IRAK3: variants seen among roughly 807,000 people sequenced by gnomAD.
The protein encoded by IRAK3 is interleukin 1 receptor associated kinase 3.
A neutral mutation model predicts 56.6 loss-of-function variants in IRAK3; 57 were observed. The observed-to-expected ratio is 1.01, with a 90% confidence interval of 0.81 to 1.26. The LOEUF (loss-of-function observed/expected upper bound fraction) is 1.26, where lower values mean the gene tolerates loss of function less well. Ranked by LOEUF, IRAK3 falls within the 50% of genes most tolerant of loss-of-function variation. IRAK3 has a pLI of 0.00. For synonymous variants in IRAK3, 258 were observed against 255.7 expected, an observed-to-expected ratio of 1.01 and a Z score of -0.09; for missense variants, 703 against 719.0, an observed-to-expected ratio of 0.98 and a Z score of 0.25.
intron 1 of IRAK3, chr12:66,197,304 C>T (rs1592574901): frequency 1.0e-5 from 11 of 1,065,270 alleles, no homozygotes; most frequent in East Asian, 6.5e-5. Flanking sequence ...ATATGTACTG[C>T]GAGTAAACAA....
chr12:66,199,242 C>T (rs2052484690), intron 1 of IRAK3, among the ~76,000 whole-genome samples: 1 of 152,136 alleles, frequency 6.6e-6, no homozygotes, highest in Non-Finnish European at 1.5e-5. Flanking sequence ...TTAGGTGGGA[C>T]TACAAGAACA....
rs1055750061 is a variant in IRAK3 at position 66,247,949 on chromosome 12, A to G, written c.1569A>G (p.Pro523=). The change falls in exon 12 of 12, where the codon CCA becomes CCG. Residue 523 remains proline, a synonymous_variant. Transcript: ENST00000261233. ...EVMFLSLDKK[P]ESKRNEEACN... The stretch of plus-strand genomic sequence containing the variant: ...TGTTTCTGAGCTTGGACAAAAAGCC[A>G]GAGAGCAAGAGAAATGAGGAAGCTT... 1.2e-6 allele frequency: 2 copies of G among 1,612,652 alleles called. No homozygotes were observed. The highest frequency in any genetic ancestry group is 1.3e-5 in the African/African-American group (1 of 74,752).
chr12:66,189,310 A>G lies in IRAK3; in HGVS notation c.11A>G (p.Asn4Ser). The change falls in exon 1 of 12, where the codon AAC becomes AGC. Residue 4 changes from asparagine to serine, a missense_variant. Physicochemically the swap from Asn to Ser is conservative, Grantham distance 46. Coordinates refer to ENST00000261233, the MANE Select transcript of IRAK3 (RefSeq NM_007199.3). MAG[N>S]CGARGALSAH... The stretch of plus-strand genomic sequence containing the variant: ...TCGGGCAGCCGAGCCATGGCGGGGA[A>G]CTGTGGGGCCCGCGGCGCGCTGTCG... 1 of 1,535,264 alleles carries G rather than the reference A, an allele frequency of 6.5e-7. No individual in the cohort carries two copies. The highest frequency in any genetic ancestry group is 8.7e-7 in the Non-Finnish European group (1 of 1,147,144).
At chr12:66,222,630 AT>A (rs2052745782) in intron 6 of IRAK3, among the ~76,000 whole-genome samples, 1 of 152,034 alleles carries the variant, frequency 6.6e-6, no homozygotes, top group Admixed American at 6.6e-5. Flanking sequence ...TAAGAGATAT[AT>A]TTTATTTTCT....
chr12:66,208,399 A>T (rs573414542), intron 2 of IRAK3, among the ~76,000 whole-genome samples: 21 of 152,256 alleles, frequency 1.4e-4, no homozygotes, highest in African/African-American at 4.8e-4. Context: ...AAGATGATAT[A>T]AAAAAATAAA....
Position 66,190,330 on chromosome 12 carries a change from T to C in IRAK3, c.133+898T>C, listed in dbSNP as rs147464349. ...TTGAATTGTAGCAATGGGCTTCTGG[T>C]TATACAAAAAATGTTTATATATTTT... On this transcript the variant is annotated intron_variant, in intron 1 of 11. Transcript: ENST00000261233. Among the ~76,000 whole-genome samples, 26 of 152,254 alleles carry C rather than the reference T, an allele frequency of 1.7e-4. No individual in the cohort carries two copies. The East Asian group carries it at 4.6e-3, about 27-fold the overall frequency.
At chr12:66,212,041 G>A (rs1014841605) in intron 5 of IRAK3, among the ~76,000 whole-genome samples, 1 of 149,272 alleles carries the variant, frequency 6.7e-6, no homozygotes, top group Non-Finnish European at 1.5e-5. Context: ...AGCACAGGAA[G>A]AAGAGGCTGC....
chr12:66,193,594 T>C (rs1051058947), intron 1 of IRAK3, among the ~76,000 whole-genome samples: 1 of 141,954 alleles, frequency 7.0e-6, no homozygotes, highest in Non-Finnish European at 1.5e-5. Flanking sequence ...CCTCTGGCTC[T>C]TCTTGGCTGT....
chr12:66,226,873 C>A, intron 7 of IRAK3, 36 bp downstream of exon 7: 1 of 1,220,266 alleles, frequency 8.2e-7, no homozygotes, highest in Non-Finnish European at 1.2e-6. Flanking sequence ...GATCCTCTGA[C>A]CCCTTGAATC....
At chr12:66,205,088 C>G (rs961712679) in intron 2 of IRAK3, among the ~76,000 whole-genome samples, 1 of 152,314 alleles carries the variant, frequency 6.6e-6, no homozygotes, top group South Asian at 2.1e-4. Flanking sequence ...CTGAGCCTTT[C>G]CCAGCCACTG....
intron 1 of IRAK3, chr12:66,197,483 CTT>C (rs2052466102): frequency 1.0e-6 from 1 of 983,278 alleles, no homozygotes; most frequent in Non-Finnish European, 1.2e-6. Context: ...TAAAAATACT[CTT>C]TAGCAATGTT....
intron 4 of IRAK3, 82 bp from the exon 5 acceptor site, chr12:66,211,364 T>C: frequency 9.4e-7 from 1 of 1,066,240 alleles, no homozygotes; most frequent in South Asian, 1.3e-5. Context: ...GGACTCTGAT[T>C]TGTTTCTAAT....
chr12:66,233,519 GA>G (rs71096082), intron 8 of IRAK3, among the ~76,000 whole-genome samples: 10 of 145,478 alleles, frequency 6.9e-5, no homozygotes, highest in South Asian at 4.4e-4. Context: ...CTCCGTCTCG[GA>G]AAAAAAAAAA....
At position 66,189,243 on chromosome 12, in the gene IRAK3, C is replaced by A; in HGVS notation, c.-57C>A. The stretch of plus-strand genomic sequence containing the variant: ...TTTCCGCGGTTGTGTAACGGCCTGT[C>A]GCAGGCGTGCAGGGACCTGGACTCC... On this transcript the variant is annotated 5_prime_UTR_variant, in exon 1 of 12. Coordinates refer to ENST00000261233, the MANE Select transcript of IRAK3 (RefSeq NM_007199.3). 2 of 1,528,402 alleles carry A rather than the reference C, an allele frequency of 1.3e-6. No homozygotes were observed. The highest frequency in any genetic ancestry group is 1.2e-5 in the South Asian group (1 of 83,904). 94.7% of individuals were successfully genotyped at this position (1,528,402 alleles called of 1,614,324 possible). A position where few individuals can be genotyped will look rare whatever the true frequency, so the allele number is the denominator to read the frequency against.
intron 6 of IRAK3, among the ~76,000 whole-genome samples, chr12:66,224,039 T>C (rs934754914): frequency 4.6e-5 from 7 of 152,220 alleles, no homozygotes; most frequent in African/African-American, 1.7e-4. Flanking sequence ...AATGCAATTT[T>C]AATAACTTTA....
At chr12:66,214,977 C>CATTA (rs2052654192) in intron 5 of IRAK3, among the ~76,000 whole-genome samples, 1 of 152,186 alleles carries the variant, frequency 6.6e-6, no homozygotes. Flanking sequence ...TTGCAGCTTG[C>CATTA]ATTACCGTAC....
intron 6 of IRAK3, among the ~76,000 whole-genome samples, chr12:66,221,352 CT>C (rs1169998217): frequency 2.6e-5 from 4 of 152,002 alleles, no homozygotes; most frequent in Non-Finnish European, 5.9e-5. Flanking sequence ...GCTTTTATTT[CT>C]TTTTTATTGC....
intron 6 of IRAK3, among the ~76,000 whole-genome samples, chr12:66,219,914 G>C (rs2136932482): frequency 6.6e-6 from 1 of 152,182 alleles, no homozygotes; most frequent in Non-Finnish European, 1.5e-5. Context: ...TTTTGCTATT[G>C]AATTGTATGA....
chr12:66,211,359 C>T, intron 4 of IRAK3, 87 bp from the exon 5 acceptor site: 1 of 1,012,168 alleles, frequency 9.9e-7, no homozygotes, highest in Non-Finnish European at 1.5e-6. Context: ...CCACTGGACT[C>T]TGATTTGTTT....
Sources: allele counts gnomAD v4.1 joint callset (sites outside exome capture counted in the v4.1 genomes callset), GRCh38; gene constraint gnomAD v4.1.1; transcripts MANE v1.5; gene names NCBI Gene and HGNC (gene_info 2026-07-23, HGNC 2026-07-21).